Variants in MYG1 observed in about 807,000 individuals in gnomAD.
The protein encoded by MYG1 is MYG1 exonuclease, also known as UPF0160 protein MYG1, mitochondrial.
In MYG1, 36 loss-of-function variants were observed where a neutral mutation model predicts 43.5. That is an observed-to-expected ratio of 0.83 (90% CI 0.63 to 1.09). The LOEUF (loss-of-function observed/expected upper bound fraction) is 1.09, where lower values mean the gene tolerates loss of function less well. Ranked by LOEUF, MYG1 falls within the 50% of genes least tolerant of loss-of-function variation. MYG1 has a pLI of 0.00. For missense variants in MYG1, 529 were observed against 495.1 expected, an observed-to-expected ratio of 1.07 and a Z score of -0.65; for synonymous variants, 220 against 202.8, an observed-to-expected ratio of 1.08 and a Z score of -0.72.
rs1408927133 is a variant in MYG1 at position 53,306,252 on chromosome 12, G to A, written c.697G>A (p.Asp233Asn). ...TCAAGAGGAGTTTCTGCAGAGATTAGATTTCTACCAACACAGCTGGCTGCC... is the reference window on the plus strand; with the variant it reads ...TCAAGAGGAGTTTCTGCAGAGATTAAATTTCTACCAACACAGCTGGCTGCC... Reference protein sequence around the residue: ...LVQEEFLQRLDFYQHSWLPAR... With the variant: ...LVQEEFLQRLNFYQHSWLPAR... The change falls in exon 5 of 7, where the codon GAT becomes AAT. Residue 233 changes from aspartate (D) to asparagine (N), a missense_variant. By Grantham distance (23) the Asp-to-Asn change is conservative. Transcript: ENST00000267103. 6.2e-7 allele frequency: 1 copy of A among 1,614,260 alleles called. No homozygotes were observed. The highest frequency in any genetic ancestry group is 1.1e-5 in the South Asian group (1 of 91,086).
rs143723459 is a variant in MYG1 at position 53,299,744 on chromosome 12, C to G, written c.7C>G (p.His3Asp). 1.0e-3 allele frequency: 1,633 copies of G among 1,612,664 alleles called. 5 individuals carry two copies. Among genetic ancestry groups the G allele is most frequent in the Non-Finnish European group, 1.2e-3 (1,410 of 1,179,472 alleles). Residue 3 changes from histidine to aspartate, a missense_variant, in exon 1 of 7, where the codon CAC becomes GAC. By Grantham distance (81) the His-to-Asp change is moderately conservative. Coordinates refer to ENST00000267103, the MANE Select transcript of MYG1 (RefSeq NM_021640.4). MG[H>D]QFLRGLLTLL... ...TCCCTGCAGGGAGCTGCTTATGGGA[C>G]ACCAATTCCTGCGCGGCCTCTTAAC...
At chr12:53,305,799 A>C in intron 3 of MYG1, 109 bp from the exon 4 acceptor site, 2 of 1,379,448 alleles carry the variant, frequency 1.4e-6, no homozygotes, top group Non-Finnish European at 1.9e-6. Flanking sequence ...GTTAATGTTG[A>C]GAGATCCTCA....
Position 53,306,220 on chromosome 12 carries a change from A to C in MYG1, c.665A>C (p.Asp222Ala). 6.2e-7 allele frequency: 1 copy of C among 1,614,208 alleles called. No homozygotes were observed. The highest frequency in any genetic ancestry group is 1.1e-5 in the South Asian group (1 of 91,086). ...CAGGCAGGGTTCAAGCGTGCAATGG[A>C]TCTGGTTCAAGAGGAGTTTCTGCAG... ...DTEAGFKRAM[D>A]LVQEEFLQRL... The change falls in exon 5 of 7, where the codon GAT (aspartate) becomes GCT (alanine). Residue 222 changes from aspartate to alanine, a missense_variant. By Grantham distance (126) the Asp-to-Ala change is moderately radical. Coordinates refer to ENST00000267103, the MANE Select transcript of MYG1 (RefSeq NM_021640.4).
Position 53,307,081 on chromosome 12 carries a change from CGA to C in MYG1, c.1067_1068del (p.Glu356GlyfsTer23), listed in dbSNP as rs1565775268. The C allele has an allele frequency of 6.2e-7, 1 of 1,614,182 alleles. No homozygotes were observed. Among genetic ancestry groups the C allele is most frequent in the African/African-American group, 1.3e-5 (1 of 75,068 alleles). On this transcript the variant is annotated frameshift_variant, in exon 7 of 7. Coordinates refer to ENST00000267103, the MANE Select transcript of MYG1 (RefSeq NM_021640.4). LOFTEE classifies it high-confidence loss of function. ...ASGFTGGHHT[R>X]EGALSMARAT... Reference sequence around the variant, plus strand: ...CGGCTTCACTGGCGGTCACCACACCCGAGAGGGTGCCTTGAGCATGGCCCGTG... The same window carrying C: ...CGGCTTCACTGGCGGTCACCACACCCGAGGGTGCCTTGAGCATGGCCCGTG...
chr12:53,300,350 T>C (rs1944218593), intron 2 of MYG1, 88 bp downstream of exon 2: 1 of 1,008,180 alleles, frequency 9.9e-7, no homozygotes, highest in Admixed American at 3.0e-5. Flanking sequence ...GTAGTCCGCG[T>C]CAGCGAAAAG....
intron 3 of MYG1, among the ~76,000 whole-genome samples, chr12:53,304,927 G>A (rs1944261132): frequency 1.4e-5 from 2 of 144,010 alleles, no homozygotes; most frequent in South Asian, 4.5e-4. Flanking sequence ...GGAGTGCAGT[G>A]GCGGGATCTC....
intron 1 of MYG1, 91 bp from the exon 2 acceptor site, chr12:53,300,058 AC>A: frequency 1.3e-6 from 2 of 1,510,874 alleles, no homozygotes; most frequent in South Asian, 1.2e-5. Context: ...CAGCCCAAGC[AC>A]CCTTCCTACC....
At chr12:53,300,832 C>T (rs1944224162) in intron 2 of MYG1, among the ~76,000 whole-genome samples, 1 of 152,180 alleles carries the variant, frequency 6.6e-6, no homozygotes, top group South Asian at 2.1e-4. Flanking sequence ...CTCCTACCAA[C>T]TAAGGGAAAT....
chr12:53,304,084 C>T (rs552683938), intron 3 of MYG1, among the ~76,000 whole-genome samples: 10 of 151,866 alleles, frequency 6.6e-5, no homozygotes, highest in African/African-American at 2.4e-4. Flanking sequence ...ACCTCGTGAT[C>T]TGCCCACCTC....
intron 3 of MYG1, among the ~76,000 whole-genome samples, chr12:53,304,051 G>A (rs1944251353): frequency 6.6e-6 from 1 of 151,992 alleles, no homozygotes; most frequent in Admixed American, 6.6e-5. Context: ...CACCGTGTTA[G>A]CCAGGATGGT....
At chr12:53,303,275 C>A in intron 3 of MYG1, 82 bp downstream of exon 3, 1 of 1,496,810 alleles carries the variant, frequency 6.7e-7, no homozygotes, top group South Asian at 1.3e-5. Flanking sequence ...GCACTCAGCA[C>A]TGGGCCTCGG....
At chr12:53,300,418 G>A (rs1000327419) in intron 2 of MYG1, 156 bp downstream of exon 2, 2 of 577,528 alleles carry the variant, frequency 3.5e-6, no homozygotes, top group Non-Finnish European at 5.9e-6. Flanking sequence ...TTCCGGCCCT[G>A]CCTGTTCTTC....
Position 53,303,382 on chromosome 12 carries a change from C to A in MYG1, c.489+189C>A, listed in dbSNP as rs889311952. The stretch of plus-strand genomic sequence containing the variant: ...TGGTGATACCTCCCCTGTCTACATC[C>A]TGGGGTGGTTGTGAGAAGTGGATGC... On this transcript the variant is annotated intron_variant, in intron 3 of 6. Transcript: ENST00000267103. 19 of 608,190 alleles carry A rather than the reference C, an allele frequency of 3.1e-5. No homozygotes were observed. In the African/African-American group the frequency reaches 3.2e-4, roughly 10 times the overall value. The allele number at this position is 608,190 out of a possible 1,614,324, so 37.7% of individuals were successfully genotyped here.
intron 2 of MYG1, among the ~76,000 whole-genome samples, chr12:53,301,415 CT>C (rs1382312612): frequency 6.6e-6 from 1 of 151,880 alleles, no homozygotes; most frequent in Non-Finnish European, 1.5e-5. Flanking sequence ...CTCCTTTTTT[CT>C]TTTTTTAGCA....
At position 53,306,195 on chromosome 12, in the gene MYG1, C is replaced by T. The variant is rs1206170976; in HGVS notation, c.643-3C>T. The T allele has an allele frequency of 1.2e-5, 19 of 1,614,076 alleles. No individual in the cohort carries two copies. Among genetic ancestry groups the T allele is most frequent in the Non-Finnish European group, 1.6e-5 (19 of 1,180,032 alleles). On this transcript the variant is annotated splice_region_variant and splice_polypyrimidine_tract_variant and intron_variant, in intron 4 of 6. Coordinates refer to ENST00000267103, the MANE Select transcript of MYG1 (RefSeq NM_021640.4). Reference sequence around the variant, plus strand: ...TCATGGTTCTAATTCTCATCATTCCCAGGCAGGGTTCAAGCGTGCAATGGA... The same window carrying T: ...TCATGGTTCTAATTCTCATCATTCCTAGGCAGGGTTCAAGCGTGCAATGGA...
rs547790736 is a variant in MYG1, at chr12:53,299,716, G to A, written c.-22G>A. ...CTTCCTCTTCCGGGTCGGCGCTCCTGCCTCCCTGCAGGGAGCTGCTTATGG... is the reference window on the plus strand; with the variant it reads ...CTTCCTCTTCCGGGTCGGCGCTCCTACCTCCCTGCAGGGAGCTGCTTATGG... On this transcript the variant is annotated 5_prime_UTR_variant, in exon 1 of 7. Transcript: ENST00000267103. 6.3e-7 allele frequency: 1 copy of A among 1,595,392 alleles called. No homozygotes were observed. The highest frequency in any genetic ancestry group is 8.5e-7 in the Non-Finnish European group (1 of 1,169,928).
chr12:53,305,754 C>T, intron 3 of MYG1, 154 bp from the exon 4 acceptor site: 7 of 886,642 alleles, frequency 7.9e-6, no homozygotes, highest in Non-Finnish European at 1.2e-5. Flanking sequence ...CTTCAGCGAG[C>T]TGCTGAACTT....
At position 53,306,955 on chromosome 12, in the gene MYG1, T is replaced by C. The variant is rs770202277; in HGVS notation, c.948-11T>C. 6.2e-7 allele frequency: 1 copy of C among 1,612,684 alleles called. No homozygotes were observed. The highest frequency in any genetic ancestry group is 8.5e-7 in the Non-Finnish European group (1 of 1,179,102). ...ACTCTGACCCCTGCTGTACTCCCTC[T>C]TTCTGCCCAGGCTGCCCCTGCCAGA... On this transcript the variant is annotated splice_polypyrimidine_tract_variant and intron_variant, in intron 6 of 6. Transcript: ENST00000267103.
Position 53,306,989 on chromosome 12 carries a change from G to A in MYG1, c.971G>A (p.Arg324Gln), listed in dbSNP as rs372883926. Residue 324 changes from arginine (R) to glutamine (Q), a missense_variant, in exon 7 of 7, where the codon CGG becomes CAG. Coordinates refer to ENST00000267103, the MANE Select transcript of MYG1 (RefSeq NM_021640.4). The stretch of plus-strand genomic sequence containing the variant: ...AGGCTGCCCCTGCCAGAGCCATGGC[G>A]GGGTCTTCGGGACGAGGCCCTGGAC... ...QSRLPLPEPW[R>Q]GLRDEALDQV... The A allele has an allele frequency of 1.1e-5, 18 of 1,613,910 alleles. No homozygotes were observed. Among genetic ancestry groups the A allele is most frequent in the Middle Eastern group, 1.6e-4 (1 of 6,084 alleles).
Sources: allele counts gnomAD v4.1 joint callset (sites outside exome capture counted in the v4.1 genomes callset), GRCh38; gene constraint gnomAD v4.1.1; transcripts MANE v1.5; gene names NCBI Gene and HGNC (gene_info 2026-07-23, HGNC 2026-07-21).